The following KAT6B variants were observed in gnomAD, a reference collection of about 807,000 sequenced individuals.
The protein encoded by KAT6B is lysine acetyltransferase 6B, also known as histone acetyltransferase KAT6B.
A neutral mutation model predicts 187.5 loss-of-function variants in KAT6B; 10 were observed. The ratio of observed to expected loss-of-function variants is 0.05; its 90% CI spans 0.03 to 0.09. KAT6B has a LOEUF of 0.09. KAT6B is among the 10% of genes least tolerant of loss of function. The pLI is 1.00. For synonymous variants in KAT6B, 861 were observed against 926.8 expected, an observed-to-expected ratio of 0.93 and a Z score of 1.29; for missense variants, 1,952 against 2,558.9, an observed-to-expected ratio of 0.76 and a Z score of 5.12.
At chr10:74,849,337 A>G (rs1470604681) in intron 3 of KAT6B, among the ~76,000 whole-genome samples, 1 of 149,766 alleles carries the variant, frequency 6.7e-6, no homozygotes, top group Non-Finnish European at 1.5e-5. Flanking sequence ...TCTGTCATCC[A>G]GACTGGAGTA....
intron 3 of KAT6B, among the ~76,000 whole-genome samples, chr10:74,940,151 G>A (rs1849556825): frequency 1.3e-5 from 2 of 152,076 alleles, no homozygotes; most frequent in Non-Finnish European, 2.9e-5. Context: ...CTATTAAAAT[G>A]TCTTTGTACT....
intron 8 of KAT6B, chr10:74,976,537 C>A: frequency 1.6e-6 from 1 of 615,730 alleles, no homozygotes. Context: ...CCAACTAATA[C>A]TCTCCCACCT....
chr10:74,845,385 G>T (rs1214106448), intron 3 of KAT6B, among the ~76,000 whole-genome samples: 9 of 151,672 alleles, frequency 5.9e-5, no homozygotes, highest in African/African-American at 1.5e-4. Context: ...AGGCAGGCGT[G>T]GTGGGGGGCA....
chr10:75,017,393 G>A (rs2134120075), intron 13 of KAT6B, among the ~76,000 whole-genome samples: 1 of 152,106 alleles, frequency 6.6e-6, no homozygotes, highest in Admixed American at 6.6e-5. Context: ...AACACTTGAG[G>A]GACTGAGGTC....
In KAT6B at chr10:74,912,293, CATGTATGT is replaced by C. The variant is rs547713429; in HGVS notation, c.622-47657_622-47650del. 1.1e-4 allele frequency among the ~76,000 whole-genome samples: 17 copies of C among 150,580 alleles called. No individual in the cohort carries two copies. The South Asian group carries it at 1.3e-3, about 11-fold the overall frequency. ...GTTTGGGAATGTTAATTGATTGTCT[CATGTATGT>C]ATGTATGTATGTATGTATGGATAGA... On this transcript the variant is annotated intron_variant, in intron 3 of 17. Transcript: ENST00000287239.
intron 1 of KAT6B, among the ~76,000 whole-genome samples, chr10:74,833,037 G>A (rs1201308868): frequency 6.6e-6 from 1 of 151,188 alleles, no homozygotes; most frequent in African/African-American, 2.4e-5. Context: ...CAGAAGGCTG[G>A]GGCAGGAGAG....
rs2134154781 is a variant in KAT6B at position 75,020,772 on chromosome 10, C to A, written c.2820C>A (p.Thr940=). Residue 940 remains threonine, a synonymous_variant, in exon 14 of 18, where the codon ACC becomes ACA. Coordinates refer to ENST00000287239, the MANE Select transcript of KAT6B (RefSeq NM_012330.4). ...ATGMCPHDIA[T]TLQHLHMIDK... ...GCATGTGCCCACATGACATTGCCAC[C>A]ACTCTGCAGCACCTCCACATGATCG... The A allele has an allele frequency of 1.2e-6, 2 of 1,614,162 alleles. No individual in the cohort carries two copies. Among genetic ancestry groups the A allele is most frequent in the Non-Finnish European group, 8.5e-7 (1 of 1,180,034 alleles).
At chr10:74,953,236 A>G (rs1156650496) in intron 3 of KAT6B, among the ~76,000 whole-genome samples, 1 of 152,126 alleles carries the variant, frequency 6.6e-6, no homozygotes, top group African/African-American at 2.4e-5. Context: ...GGGCTCAGAA[A>G]ATGAAAGTCT....
chr10:74,865,482 T>C (rs995947929), intron 3 of KAT6B, among the ~76,000 whole-genome samples: 6 of 152,120 alleles, frequency 3.9e-5, no homozygotes, highest in Admixed American at 6.6e-5. Flanking sequence ...AATCACAATT[T>C]TTACCAGTTT....
At chr10:74,938,033 A>G (rs1453531197) in intron 3 of KAT6B, among the ~76,000 whole-genome samples, 1 of 151,810 alleles carries the variant, frequency 6.6e-6, no homozygotes, top group African/African-American at 2.4e-5. Flanking sequence ...GTAACTTCAA[A>G]CTCCTGGGCT....
intron 3 of KAT6B, among the ~76,000 whole-genome samples, chr10:74,911,589 A>G (rs2132919258): frequency 1.3e-5 from 2 of 152,048 alleles, no homozygotes; most frequent in East Asian, 3.9e-4. Context: ...TTCTGTTTTT[A>G]CAATTCCATG....
chr10:74,829,407 T>C (rs1426140856), intron 1 of KAT6B, among the ~76,000 whole-genome samples: 1 of 152,238 alleles, frequency 6.6e-6, no homozygotes, highest in African/African-American at 2.4e-5. Context: ...ACCCTCAGTT[T>C]TCCACGTGCT....
Position 74,852,119 on chromosome 10 carries a change from G to A in KAT6B, c.621+8641G>A, listed in dbSNP as rs374641757. Among the ~76,000 whole-genome samples, 9 of 152,260 alleles carry A rather than the reference G, an allele frequency of 5.9e-5. No homozygotes were observed. The East Asian group carries it at 1.3e-3, about 23-fold the overall frequency. On this transcript the variant is annotated intron_variant, in intron 3 of 17. Coordinates refer to ENST00000287239, the MANE Select transcript of KAT6B (RefSeq NM_012330.4). ...TCTGGATCTTTTTTGGCAGAAATGT[G>A]TATATTTTTTATCTGCTAATTATAG...
At chr10:74,908,048 A>G (rs949998332) in intron 3 of KAT6B, among the ~76,000 whole-genome samples, 1 of 152,114 alleles carries the variant, frequency 6.6e-6, no homozygotes, top group African/African-American at 2.4e-5. Flanking sequence ...TACTAGATTA[A>G]TGAGTTAATT....
chr10:74,877,250 G>A (rs1434153918), intron 3 of KAT6B, among the ~76,000 whole-genome samples: 1 of 152,196 alleles, frequency 6.6e-6, no homozygotes, highest in African/African-American at 2.4e-5. Flanking sequence ...ACAGGCATGA[G>A]CCACCACACC....
chr10:74,840,355 G>C (rs1841652873), intron 2 of KAT6B, among the ~76,000 whole-genome samples: 1 of 152,154 alleles, frequency 6.6e-6, no homozygotes, highest in African/African-American at 2.4e-5. Flanking sequence ...GGTAGCATGG[G>C]GTTTTGTCGT....
At position 74,830,769 on chromosome 10, in the gene KAT6B, T is replaced by TATATGTATATATATATATATATA. The variant is rs58702000; in HGVS notation, c.-329+3984_-329+3985insATATGTATATATATATATATATA. 5.2e-4 allele frequency among the ~76,000 whole-genome samples: 4 copies of TATATGTATATATATATATATATA among 7,734 alleles called. 1 individual carries two copies. Among genetic ancestry groups the TATATGTATATATATATATATATA allele is most frequent in the African/African-American group, 1.4e-3 (4 of 2,796 alleles). The allele number at this position is 7,734 out of a possible 152,430, so 5.1% of individuals were successfully genotyped here. On this transcript the variant is annotated intron_variant, in intron 1 of 17. Coordinates refer to ENST00000287239, the MANE Select transcript of KAT6B (RefSeq NM_012330.4). The stretch of plus-strand genomic sequence containing the variant: ...ATATATATATATATATATATATATA[T>TATATGTATATATATATATATATA]TTTTTTTTTTTTTTTTTTTTTTTTT...
At position 75,030,716 on chromosome 10, in the gene KAT6B, C is replaced by T. The variant is rs555780381; in HGVS notation, c.5892C>T (p.Gly1964=). Residue 1964 remains glycine (G), a synonymous_variant, in exon 18 of 18, where the codon GGC becomes GGT. Coordinates refer to ENST00000287239, the MANE Select transcript of KAT6B (RefSeq NM_012330.4). The surrounding 1 kb of genome is among the most constrained non-coding windows in gnomAD (Gnocchi z 4.8). ...GPARTLTMQR[G]MNMSVNLMPA... is the part of the protein sequence containing the mutation. ...CACGGACTTTAACGATGCAAAGAGG[C>T]ATGAACATGAGTGTGAACCTGATGC... The T allele has an allele frequency of 1.2e-6, 2 of 1,614,200 alleles. No individual in the cohort carries two copies. The highest frequency in any genetic ancestry group is 2.7e-5 in the African/African-American group (2 of 75,046).
rs145119505 is a variant in KAT6B at position 75,028,586 on chromosome 10, C to T, written c.3762C>T (p.Arg1254=). 81 of 1,613,986 alleles carry T rather than the reference C, an allele frequency of 5.0e-5. No individual in the cohort carries two copies. Among genetic ancestry groups the T allele is most frequent in the Non-Finnish European group, 6.5e-5 (77 of 1,180,044 alleles). Residue 1254 remains arginine, a synonymous_variant, in exon 18 of 18, where the codon CGC becomes CGT. Transcript: ENST00000287239. ...AAGTGTGGCCAAAAGGAACAAAGCG[C>T]GGTCTATCTAAGTGGAGGCAAAACA... ...CKQVWPKGTK[R]GLSKWRQNKE...
Sources: gnomAD v4.1 joint callset for allele counts (sites outside exome capture counted in the v4.1 genomes callset) on GRCh38, gnomAD v4.1.1 for gene constraint, Gnocchi (gnomAD v3.1) non-coding constraint, MANE v1.5 for transcripts, NCBI Gene and HGNC (gene_info 2026-07-23, HGNC 2026-07-21) for gene names.